Variants in CERS6 observed in about 807,000 individuals in gnomAD.
CERS6 encodes LAG1 homolog, ceramide synthase 6.
Under a neutral mutation model 56.8 loss-of-function variants are expected in CERS6, and 26 were observed. That is an observed-to-expected ratio of 0.46 (90% CI 0.34 to 0.63). The LOEUF (loss-of-function observed/expected upper bound fraction) is 0.63. CERS6 is among the 30% of genes least tolerant of loss of function. CERS6 has a pLI of 0.01. For missense variants in CERS6, 415 were observed against 467.5 expected, an observed-to-expected ratio of 0.89 and a Z score of 1.04; for synonymous variants, 164 against 173.3, an observed-to-expected ratio of 0.95 and a Z score of 0.42.
chr2:168,620,929 A>C (rs1684457126), intron 3 of CERS6, among the ~76,000 whole-genome samples: 1 of 151,956 alleles, frequency 6.6e-6, no homozygotes, highest in African/African-American at 2.4e-5. Context: ...AGCCAGGCTA[A>C]TTTTTGTATT....
intron 8 of CERS6, among the ~76,000 whole-genome samples, chr2:168,730,335 A>G (rs1683488290): frequency 6.6e-6 from 1 of 152,260 alleles, no homozygotes. Flanking sequence ...AAAGAAAATC[A>G]CAAAACAAGT....
chr2:168,456,392 C>G lies in CERS6; in HGVS notation c.-57C>G. 1 of 1,426,394 alleles carries G rather than the reference C, an allele frequency of 7.0e-7. No homozygotes were observed. Among genetic ancestry groups the G allele is most frequent in the Non-Finnish European group, 9.4e-7 (1 of 1,066,702 alleles). The allele number at this position is 1,426,394 out of a possible 1,614,324, so 88.4% of individuals were successfully genotyped here. A position where few individuals can be genotyped will look rare whatever the true frequency, so the allele number is the denominator to read the frequency against. On this transcript the variant is annotated 5_prime_UTR_variant, in exon 1 of 10. Transcript: ENST00000305747. The surrounding 1 kb of genome is among the most constrained non-coding windows in gnomAD (Gnocchi z 4.1). ...CGGGCGCGCATCCCCGGGCGCCCTG[C>G]GCGGTGGAGAGCTTGGCGGGCTGCG...
chr2:168,515,413 A>C (rs1362854131), intron 1 of CERS6, among the ~76,000 whole-genome samples: 1 of 152,152 alleles, frequency 6.6e-6, no homozygotes, highest in Non-Finnish European at 1.5e-5. Context: ...GAAAAAAAAA[A>C]AGGAAAATTC....
At chr2:168,581,088 G>T (rs1446517863) in intron 3 of CERS6, among the ~76,000 whole-genome samples, 1 of 149,106 alleles carries the variant, frequency 6.7e-6, no homozygotes, top group Non-Finnish European at 1.5e-5. Context: ...GTGCAATCTT[G>T]GCTCACTGCA....
chr2:168,457,839 A>G (rs1463894561), intron 1 of CERS6, among the ~76,000 whole-genome samples: 2 of 152,170 alleles, frequency 1.3e-5, no homozygotes, highest in African/African-American at 4.8e-5. Context: ...TGGGGACAAA[A>G]AGTATCTTTT....
At chr2:168,476,768 T>C (rs1243446863) in intron 1 of CERS6, among the ~76,000 whole-genome samples, 1 of 152,062 alleles carries the variant, frequency 6.6e-6, no homozygotes, top group Non-Finnish European at 1.5e-5. Flanking sequence ...ATCCTTTTCC[T>C]CTGTTTTTTT....
rs528182989 is a variant in CERS6, at chr2:168,535,362, C to T, written c.171-12234C>T. 5.3e-4 allele frequency among the ~76,000 whole-genome samples: 80 copies of T among 152,308 alleles called. 1 individual carries two copies. In the South Asian group the frequency reaches 0.013, roughly 25 times the overall value. On this transcript the variant is annotated intron_variant, in intron 1 of 9. Coordinates refer to ENST00000305747, the MANE Select transcript of CERS6 (RefSeq NM_203463.3). The stretch of plus-strand genomic sequence containing the variant: ...GCGTTCACGAGTGGGATCTTCTGAT[C>T]CATGGGTTGCACCATTCCGTGGAAA...
At chr2:168,588,487 TTATA>T (rs1683597445) in intron 3 of CERS6, among the ~76,000 whole-genome samples, 1 of 152,190 alleles carries the variant, frequency 6.6e-6, no homozygotes, top group African/African-American at 2.4e-5. Flanking sequence ...CGTAAGTACT[TTATA>T]TAAGTGGAAT....
rs79208521 is a variant in CERS6, at chr2:168,772,549, T to C, written c.*2887T>C. The stretch of plus-strand genomic sequence containing the variant: ...TCCCTCCTTGTTTGTCAGCCTCCTG[T>C]TCATGTTCCCCACACACCTGAAGGT... On this transcript the variant is annotated 3_prime_UTR_variant, in exon 10 of 10. Coordinates refer to ENST00000305747, the MANE Select transcript of CERS6 (RefSeq NM_203463.3). 1 of 152,730 alleles carries C rather than the reference T, an allele frequency of 6.5e-6. No homozygotes were observed. Among genetic ancestry groups the C allele is most frequent in the African/African-American group, 2.4e-5 (1 of 41,576 alleles). 9.5% of individuals were successfully genotyped at this position (152,730 alleles called of 1,614,324 possible).
chr2:168,702,599 T>TA (rs1297481075), intron 6 of CERS6, among the ~76,000 whole-genome samples: 13 of 152,164 alleles, frequency 8.5e-5, no homozygotes, highest in Admixed American at 2.0e-4. Flanking sequence ...ATATTTTATT[T>TA]AAAAAATCAC....
chr2:168,600,630 C>T (rs527357784), intron 3 of CERS6, among the ~76,000 whole-genome samples: 1 of 152,334 alleles, frequency 6.6e-6, no homozygotes, highest in South Asian at 2.1e-4. Context: ...CTCACTCACT[C>T]TGAAACCTAA....
intron 4 of CERS6, among the ~76,000 whole-genome samples, chr2:168,662,516 G>A (rs1685656700): frequency 1.3e-5 from 2 of 152,074 alleles, no homozygotes; most frequent in African/African-American, 4.8e-5. Flanking sequence ...ATCACCTGAG[G>A]TCAGGAGTTC....
intron 8 of CERS6, among the ~76,000 whole-genome samples, chr2:168,746,167 C>G (rs967543351): frequency 6.6e-6 from 1 of 152,168 alleles, no homozygotes; most frequent in Non-Finnish European, 1.5e-5. Context: ...GAGCTGCCCC[C>G]TCTTGCATGG....
intron 5 of CERS6, among the ~76,000 whole-genome samples, chr2:168,693,436 G>A (rs891276938): frequency 6.6e-6 from 1 of 152,078 alleles, no homozygotes; most frequent in African/African-American, 2.4e-5. Flanking sequence ...CCTTTCCCCA[G>A]GTGGTGATGT....
chr2:168,665,952 C>CTGTGTGTGTGTGTGTGTGTG (rs58913968), intron 4 of CERS6, among the ~76,000 whole-genome samples: 64 of 143,286 alleles, frequency 4.5e-4, no homozygotes, highest in African/African-American at 1.6e-3. Context: ...AATTAGTAGA[C>CTGTGTGTGTGTGTGTGTGTG]TGTGTGTGTG....
At chr2:168,569,810 T>C (rs148249980) in intron 3 of CERS6, among the ~76,000 whole-genome samples, 82 of 152,308 alleles carry the variant, frequency 5.4e-4, no homozygotes, top group Non-Finnish European at 1.0e-3. Flanking sequence ...GGAGGGTTGC[T>C]GGCCACTGGA....
intron 8 of CERS6, 48 bp downstream of exon 8, chr2:168,718,026 G>T: frequency 7.4e-7 from 1 of 1,352,730 alleles, no homozygotes; most frequent in South Asian, 1.3e-5. Flanking sequence ...TTCCAAATAA[G>T]CTTTCTGAAC....
At chr2:168,522,539 AT>A (rs368748705) in intron 1 of CERS6, among the ~76,000 whole-genome samples, 20,076 of 147,180 alleles carry the variant, frequency 0.14, 1,662 homozygotes, top group Non-Finnish European at 0.19. Context: ...ACTTAGGTGA[AT>A]TTTTTTTTTT....
chr2:168,766,103 G>T (rs1228324992), intron 9 of CERS6, among the ~76,000 whole-genome samples: 1 of 152,092 alleles, frequency 6.6e-6, no homozygotes, highest in African/African-American at 2.4e-5. Context: ...CTGTATGCCG[G>T]TTTAAACAAA....
Sources: gnomAD v4.1 joint callset for allele counts (sites outside exome capture counted in the v4.1 genomes callset) on GRCh38, gnomAD v4.1.1 for gene constraint, Gnocchi (gnomAD v3.1) non-coding constraint, MANE v1.5 for transcripts, NCBI Gene and HGNC (gene_info 2026-07-23, HGNC 2026-07-21) for gene names.